C1QTNF7: variants seen among roughly 807,000 people sequenced by gnomAD.
C1QTNF7 encodes C1q and TNF related 7, also known as complement C1q tumor necrosis factor-related protein 7.
A neutral mutation model predicts 19.6 loss-of-function variants in C1QTNF7; 15 were observed. That is an observed-to-expected ratio of 0.76 (90% CI 0.51 to 1.18). The LOEUF is 1.18. Ranked by LOEUF, C1QTNF7 falls within the 50% of genes most tolerant of loss-of-function variation. The pLI is 0.00. For synonymous variants in C1QTNF7, 142 were observed against 137.5 expected (o/e 1.03, Z -0.23); for missense variants, 324 against 359.7 (o/e 0.90, Z 0.80).
At chr4:15,388,075 A>G (rs1718407983) in intron 1 of C1QTNF7, among the ~76,000 whole-genome samples, 1 of 152,212 alleles carries the variant, frequency 6.6e-6, no homozygotes, top group Non-Finnish European at 1.5e-5. Flanking sequence ...TGTAAAAGGC[A>G]TATCTATGCA....
At chr4:15,351,275 TCTC>T (rs1716926712) in intron 1 of C1QTNF7, among the ~76,000 whole-genome samples, 1 of 152,156 alleles carries the variant, frequency 6.6e-6, no homozygotes, top group Non-Finnish European at 1.5e-5. Context: ...TCCTCTGTTT[TCTC>T]CTCCTCCATA....
At chr4:15,410,188 C>T (rs1719355983) in intron 1 of C1QTNF7, among the ~76,000 whole-genome samples, 1 of 152,128 alleles carries the variant, frequency 6.6e-6, no homozygotes, top group Non-Finnish European at 1.5e-5. Flanking sequence ...AGACATCTTC[C>T]ACACTATTTT....
intron 2 of C1QTNF7, among the ~76,000 whole-genome samples, chr4:15,438,601 C>A (rs1253475161): frequency 6.6e-6 from 1 of 152,202 alleles, no homozygotes. Flanking sequence ...CCTCACTGGT[C>A]TGTTGCAATT....
intron 1 of C1QTNF7, among the ~76,000 whole-genome samples, chr4:15,347,499 A>T (rs916711917): frequency 6.6e-6 from 1 of 152,174 alleles, no homozygotes; most frequent in African/African-American, 2.4e-5. Context: ...TTCACCTAGG[A>T]TATGCATGCC....
upstream of C1QTNF7, among the ~76,000 whole-genome samples, chr4:15,423,521 G>C (rs1308019088): frequency 1.3e-5 from 2 of 152,208 alleles, no homozygotes; most frequent in Non-Finnish European, 2.9e-5. Context: ...AAGTCCGCTT[G>C]AAAAGCCAGG....
chr4:15,427,959 T>C, upstream of C1QTNF7: 2 of 928,420 alleles, frequency 2.2e-6, no homozygotes, highest in Middle Eastern at 5.5e-4. Flanking sequence ...GAGAAAATTA[T>C]TTTTAGCACA....
chr4:15,358,946 C>T (rs1224519543), intron 1 of C1QTNF7, among the ~76,000 whole-genome samples: 1 of 152,138 alleles, frequency 6.6e-6, no homozygotes, highest in Non-Finnish European at 1.5e-5. Context: ...GCAGTTGATG[C>T]TCTATGGTCA....
At chr4:15,395,271 A>G (rs1314440302) in intron 1 of C1QTNF7, among the ~76,000 whole-genome samples, 1 of 152,144 alleles carries the variant, frequency 6.6e-6, no homozygotes, top group Non-Finnish European at 1.5e-5. Flanking sequence ...GATTTAGGGA[A>G]GAGGGAATAT....
chr4:15,384,894 C>G (rs1002834203), intron 1 of C1QTNF7, among the ~76,000 whole-genome samples: 54 of 152,234 alleles, frequency 3.5e-4, no homozygotes, highest in Non-Finnish European at 7.1e-4. Flanking sequence ...GCCCTATCAG[C>G]CCTCACCAGC....
chr4:15,415,480 T>C lies in C1QTNF7; in HGVS notation c.14-20256T>C, dbSNP rs1262881679. On this transcript the variant is annotated intron_variant, in intron 1 of 2. Transcript: ENST00000295297. ...ACTTGTTTCTAAGACCAAAGGAATA[T>C]GCTTATTTCCCATTGAAAAATAGTT... Among the ~76,000 whole-genome samples, 3 of 152,214 alleles carry C rather than the reference T, an allele frequency of 2.0e-5. No homozygotes were observed. In the East Asian group the frequency reaches 5.8e-4, roughly 29 times the overall value.
At position 15,420,826 on chromosome 4, in the gene C1QTNF7, C is replaced by CTTTTTTTTTT. The variant is rs61609914; in HGVS notation, c.14-14890_14-14881dup. Among the ~76,000 whole-genome samples, 185 of 66,198 alleles carry CTTTTTTTTTT rather than the reference C, an allele frequency of 2.8e-3. 13 individuals are homozygous for CTTTTTTTTTT. The highest frequency in any genetic ancestry group is 3.2e-3 in the African/African-American group (52 of 16,200). The allele number at this position is 66,198 out of a possible 152,430, so 43.4% of individuals were successfully genotyped here. ...CTAGGGTAACATTCCACTGCTTTGT[C>CTTTTTTTTTT]TTTTTTTTTTTTTTTTTTTTTTTTT... On this transcript the variant is annotated intron_variant, in intron 1 of 2. Transcript: ENST00000295297.
chr4:15,375,269 G>C (rs1025622091), intron 1 of C1QTNF7, among the ~76,000 whole-genome samples: 1 of 152,104 alleles, frequency 6.6e-6, no homozygotes, highest in Non-Finnish European at 1.5e-5. Flanking sequence ...TTTCCTTATA[G>C]TGGCATAAAT....
At chr4:15,431,299 A>G (rs1348273980) in intron 1 of C1QTNF7, among the ~76,000 whole-genome samples, 1 of 152,192 alleles carries the variant, frequency 6.6e-6, no homozygotes, top group Non-Finnish European at 1.5e-5. Context: ...AACTAAGTGA[A>G]AAGGCAACGT....
In C1QTNF7 at chr4:15,435,821, G is replaced by T. The variant is rs138596757; in HGVS notation, c.78G>T (p.Glu26Asp). Reference sequence around the variant, plus strand: ...CCCGGGGTAATCAGTTGAAAGGAGAGAACTACTCCCCCAGGTATATCTGCA... The same window carrying T: ...CCCGGGGTAATCAGTTGAAAGGAGATAACTACTCCCCCAGGTATATCTGCA... ...GQPRGNQLKGENYSPRYICSI... is the reference protein window; with the variant it reads ...GQPRGNQLKGDNYSPRYICSI... Residue 26 changes from glutamate to aspartate, a missense_variant, in exon 2 of 3, where the codon GAG becomes GAT. Physicochemically the swap from Glu to Asp is conservative, Grantham distance 45. Transcript: ENST00000444304. The T allele has an allele frequency of 1.7e-5, 27 of 1,614,000 alleles. No individual in the cohort carries two copies. The highest frequency in any genetic ancestry group is 1.9e-5 in the Non-Finnish European group (23 of 1,180,026).
chr4:15,360,914 G>A (rs1005100575), intron 1 of C1QTNF7, among the ~76,000 whole-genome samples: 1 of 152,164 alleles, frequency 6.6e-6, no homozygotes, highest in Non-Finnish European at 1.5e-5. Context: ...CTGGTCTCCA[G>A]TCAAGTCATG....
chr4:15,354,426 G>T (rs967939597), intron 1 of C1QTNF7, among the ~76,000 whole-genome samples: 3 of 152,102 alleles, frequency 2.0e-5, no homozygotes, highest in South Asian at 4.1e-4. Flanking sequence ...GACCATGTGT[G>T]GGGGAGGTAC....
chr4:15,437,011 A>G (rs1002261454), intron 2 of C1QTNF7, among the ~76,000 whole-genome samples: 2 of 152,202 alleles, frequency 1.3e-5, no homozygotes, highest in Non-Finnish European at 2.9e-5. Context: ...TAGATAAAGA[A>G]CCTTTAGGGA....
chr4:15,416,639 T>C (rs539477402), intron 1 of C1QTNF7, among the ~76,000 whole-genome samples: 5 of 152,348 alleles, frequency 3.3e-5, no homozygotes, highest in African/African-American at 1.2e-4. Flanking sequence ...GCCTTGATTG[T>C]AGGGACTCAG....
intron 1 of C1QTNF7, among the ~76,000 whole-genome samples, chr4:15,390,418 C>G (rs1199914140): frequency 1.3e-5 from 2 of 152,170 alleles, no homozygotes; most frequent in Non-Finnish European, 2.9e-5. Flanking sequence ...GGGACTGAAG[C>G]CTAGCCAAGT....
Sources: gnomAD v4.1 joint callset for allele counts (sites outside exome capture counted in the v4.1 genomes callset) on GRCh38, gnomAD v4.1.1 for gene constraint, MANE v1.5 for transcripts, NCBI Gene and HGNC (gene_info 2026-07-23, HGNC 2026-07-21) for gene names.